The following RANBP10 variants were observed in gnomAD, a reference collection of about 807,000 sequenced individuals.
RANBP10 encodes the protein RAN binding protein 10.
Under a neutral mutation model 72.8 loss-of-function variants are expected in RANBP10, and 24 were observed. The observed-to-expected ratio is 0.33, with a 90% confidence interval of 0.24 to 0.46. RANBP10 has a LOEUF of 0.46. Among genes scored for constraint, RANBP10 ranks in the 20% least tolerant of loss-of-function variants. RANBP10 has a pLI of 1.00. For synonymous variants in RANBP10, 310 were observed against 322.3 expected (o/e 0.96, Z 0.41); for missense variants, 679 against 817.5 (o/e 0.83, Z 2.07).
At chr16:67,773,750 G>A (rs2054648327) in intron 2 of RANBP10, among the ~76,000 whole-genome samples, 1 of 152,168 alleles carries the variant, frequency 6.6e-6, no homozygotes, top group South Asian at 2.1e-4. Flanking sequence ...ACTTCAAAGA[G>A]GGAGTTTCAT....
intron 2 of RANBP10, among the ~76,000 whole-genome samples, chr16:67,777,945 C>T (rs2054738178): frequency 6.6e-6 from 1 of 152,190 alleles, no homozygotes; most frequent in Non-Finnish European, 1.5e-5. Flanking sequence ...CAGAAATAAA[C>T]CCTCACATGT....
Position 67,729,645 on chromosome 16 carries a change from C to A in RANBP10, c.1147+35G>T. The A allele has an allele frequency of 6.3e-7, 1 of 1,584,338 alleles. No individual in the cohort carries two copies. The highest frequency in any genetic ancestry group is 1.2e-5 in the South Asian group (1 of 86,130). On this transcript the variant is annotated intron_variant, in intron 9 of 13. Transcript: ENST00000317506. The surrounding 1 kb of genome is among the most constrained non-coding windows in gnomAD (Gnocchi z 7.1). ...GTGGAGTGGCCTCTCTCCTCCACAC[C>A]AGTTCTTCCCAGAGCCCTCTGGAGA...
chr16:67,786,144 C>T (rs2054913920), intron 2 of RANBP10, among the ~76,000 whole-genome samples: 1 of 151,086 alleles, frequency 6.6e-6, no homozygotes, highest in South Asian at 2.1e-4. Context: ...GCCTAGGCAA[C>T]ATGGCAAGAC....
At chr16:67,751,831 G>A (rs1273289676) in intron 3 of RANBP10, among the ~76,000 whole-genome samples, 1 of 151,946 alleles carries the variant, frequency 6.6e-6, no homozygotes, top group East Asian at 1.9e-4. Context: ...CAGGAGAATC[G>A]CTTGAACCTG....
chr16:67,750,748 C>CT (rs971576593), intron 3 of RANBP10, among the ~76,000 whole-genome samples: 1 of 148,682 alleles, frequency 6.7e-6, no homozygotes, highest in Non-Finnish European at 1.5e-5. Context: ...GGAAGGTTTC[C>CT]TTTTTTCACT....
chr16:67,734,833 G>T (rs1222134217), intron 6 of RANBP10, 25 bp downstream of exon 6: 1 of 1,537,572 alleles, frequency 6.5e-7, no homozygotes, highest in South Asian at 1.2e-5. Flanking sequence ...GTGGGAGTGG[G>T]TAAGGGCAGG....
chr16:67,729,841 C>G lies in RANBP10; in HGVS notation c.999-13G>C. On this transcript the variant is annotated splice_polypyrimidine_tract_variant and intron_variant, in intron 8 of 13. Transcript: ENST00000317506. The surrounding 1 kb of genome is among the most constrained non-coding windows in gnomAD (Gnocchi z 7.1). ...AAACTGCCGGCACCTGTGGAGGGAGCGGAGCAATAATGCTCTGGTTGTGGT... is the reference window on the plus strand; with the variant it reads ...AAACTGCCGGCACCTGTGGAGGGAGGGGAGCAATAATGCTCTGGTTGTGGT... 1 of 1,613,372 alleles carries G rather than the reference C, an allele frequency of 6.2e-7. No homozygotes were observed. Among genetic ancestry groups the G allele is most frequent in the Non-Finnish European group, 8.5e-7 (1 of 1,179,720 alleles).
intron 2 of RANBP10, among the ~76,000 whole-genome samples, chr16:67,781,975 G>T (rs934532368): frequency 5.9e-5 from 9 of 152,032 alleles, no homozygotes; most frequent in African/African-American, 2.2e-4. Context: ...CCGAGCAAGG[G>T]GGTCCACCCA....
intron 3 of RANBP10, among the ~76,000 whole-genome samples, chr16:67,771,772 T>C (rs991285675): frequency 1.3e-5 from 2 of 152,246 alleles, no homozygotes; most frequent in African/African-American, 4.8e-5. Flanking sequence ...TATCCCTACC[T>C]GGAGCAAACT....
At chr16:67,755,707 A>AG (rs1260044795) in intron 3 of RANBP10, among the ~76,000 whole-genome samples, 12 of 149,326 alleles carry the variant, frequency 8.0e-5, no homozygotes, top group Non-Finnish European at 1.2e-4. Context: ...AAAAAAAAAA[A>AG]GGACAAGTGG....
chr16:67,803,258 T>C (rs564706399), intron 2 of RANBP10, among the ~76,000 whole-genome samples: 2 of 152,240 alleles, frequency 1.3e-5, no homozygotes, highest in South Asian at 4.1e-4. Flanking sequence ...CCGGGTGCAG[T>C]AGCTCATGCC....
chr16:67,799,809 C>G (rs2055203171), intron 2 of RANBP10, among the ~76,000 whole-genome samples: 1 of 151,978 alleles, frequency 6.6e-6, no homozygotes, highest in South Asian at 2.1e-4. Flanking sequence ...GGGCCTCATG[C>G]CTGTGCTCCT....
intron 3 of RANBP10, among the ~76,000 whole-genome samples, chr16:67,760,376 C>T (rs962381013): frequency 1.2e-4 from 18 of 152,228 alleles, no homozygotes; most frequent in Non-Finnish European, 2.2e-4. Context: ...GTTCCTCTTC[C>T]ATGGCACACG....
chr16:67,773,024 C>G (rs1182736861), intron 2 of RANBP10, among the ~76,000 whole-genome samples: 1 of 152,196 alleles, frequency 6.6e-6, no homozygotes, highest in Non-Finnish European at 1.5e-5. Flanking sequence ...GTGAGAAAGA[C>G]ATGAAATTTG....
At chr16:67,727,279 A>G (rs1385494733) in intron 13 of RANBP10, 48 bp downstream of exon 13, 2 of 1,529,650 alleles carry the variant, frequency 1.3e-6, no homozygotes, top group African/African-American at 2.8e-5. Context: ...AGCTTGGGCT[A>G]CAGAGCAGAC....
chr16:67,759,807 C>T (rs1410905515), intron 3 of RANBP10: 1 of 152,274 alleles, frequency 6.6e-6, no homozygotes, highest in Non-Finnish European at 1.5e-5. Context: ...ACTAGAAACT[C>T]ACCTACGTCA....
chr16:67,769,331 C>A (rs886112519), intron 3 of RANBP10, among the ~76,000 whole-genome samples: 1 of 150,928 alleles, frequency 6.6e-6, no homozygotes, highest in East Asian at 2.0e-4. Context: ...ATAGTCCCAG[C>A]TACTTAGGAG....
rs2053815419 is a variant in RANBP10 at position 67,735,051 on chromosome 16, G to A, written c.592-9C>T. 1.3e-6 allele frequency: 2 copies of A among 1,580,736 alleles called. No individual in the cohort carries two copies. The highest frequency in any genetic ancestry group is 1.7e-5 in the Admixed American group (1 of 57,426). On this transcript the variant is annotated splice_polypyrimidine_tract_variant and intron_variant, in intron 5 of 13. Transcript: ENST00000317506. ...GTGGGGTAGAGGTTGGCCTGAGGAG[G>A]AGAATGAAATGTCAGTCAGGCCCTG...
chr16:67,785,541 G>A (rs920457094), intron 2 of RANBP10, among the ~76,000 whole-genome samples: 2 of 151,498 alleles, frequency 1.3e-5, no homozygotes, highest in East Asian at 1.9e-4. Flanking sequence ...CAGCCTGGTC[G>A]ACATGGCAAA....
Sources: allele counts gnomAD v4.1 joint callset (sites outside exome capture counted in the v4.1 genomes callset), GRCh38; gene constraint gnomAD v4.1.1; non-coding constraint Gnocchi (gnomAD v3.1); transcripts MANE v1.5; gene names NCBI Gene and HGNC (gene_info 2026-07-23, HGNC 2026-07-21).